EYS: variants seen among roughly 807,000 people sequenced by gnomAD.
The protein encoded by EYS is protein eyes shut homolog.
EYS carries 250 observed loss-of-function variants against 282.1 expected under a neutral mutation model. The ratio of observed to expected loss-of-function variants is 0.89; its 90% CI spans 0.80 to 0.98. The LOEUF (loss-of-function observed/expected upper bound fraction) is 0.98, where lower values mean the gene tolerates loss of function less well. Among genes scored for constraint, EYS ranks in the 50% least tolerant of loss-of-function variants. EYS has a pLI of 0.00. For synonymous variants in EYS, 1,355 were observed against 1,282.9 expected, an observed-to-expected ratio of 1.06 and a Z score of -1.20; for missense variants, 4,016 against 3,709.0, an observed-to-expected ratio of 1.08 and a Z score of -2.15.
chr6:64,629,503 A>G (rs1049954301), intron 22 of EYS, among the ~76,000 whole-genome samples: 1 of 152,146 alleles, frequency 6.6e-6, no homozygotes, highest in African/African-American at 2.4e-5. Context: ...TTTTCAATTT[A>G]TGTTAAGAAA....
chr6:64,531,338 G>C (rs1420745514), intron 26 of EYS, among the ~76,000 whole-genome samples: 3 of 151,408 alleles, frequency 2.0e-5, no homozygotes, highest in Non-Finnish European at 2.9e-5. Context: ...AGTACGCCTG[G>C]GATATATTGT....
intron 9 of EYS, among the ~76,000 whole-genome samples, chr6:65,351,356 A>G (rs190443249): frequency 1.3e-5 from 2 of 151,934 alleles, no homozygotes; most frequent in African/African-American, 4.8e-5. Flanking sequence ...ATGATTAAAT[A>G]TGCATACACT....
rs867476759 is a variant in EYS, at chr6:65,600,688, C to T, written c.-333+39090G>A. On this transcript the variant is annotated intron_variant, in intron 2 of 42. Coordinates refer to ENST00000503581, the MANE Select transcript of EYS (RefSeq NM_001142800.2). ...ATAAGTACTGTGTATTGAAATTGTA[C>T]CTCTGATTTCAAAATTAAAACATAA... Among the ~76,000 whole-genome samples the T allele has an allele frequency of 4.0e-5, 6 of 151,822 alleles. No homozygotes were observed. The Admixed American group carries it at 4.0e-4, about 10-fold the overall frequency.
intron 26 of EYS, among the ~76,000 whole-genome samples, chr6:64,581,770 T>A (rs983811347): frequency 3.3e-5 from 5 of 152,090 alleles, no homozygotes; most frequent in African/African-American, 7.2e-5. Context: ...CCTTCTGAGG[T>A]CACACACCCC....
chr6:64,459,947 G>GA (rs68098455), intron 26 of EYS, among the ~76,000 whole-genome samples: 131 of 141,674 alleles, frequency 9.2e-4, no homozygotes, highest in South Asian at 1.3e-3. Flanking sequence ...GTAATATCCA[G>GA]AAAAAAAAAA....
At chr6:64,228,151 C>T (rs1766305729) in intron 31 of EYS, among the ~76,000 whole-genome samples, 1 of 152,102 alleles carries the variant, frequency 6.6e-6, no homozygotes. Context: ...CACAACATCA[C>T]AGATTACATT....
chr6:65,097,315 G>C (rs888162189), intron 12 of EYS, among the ~76,000 whole-genome samples: 4 of 150,912 alleles, frequency 2.7e-5, no homozygotes, highest in African/African-American at 7.3e-5. Flanking sequence ...ACAGCTGTTA[G>C]GATGGCTATG....
At chr6:65,434,322 A>AT (rs369477528) in intron 5 of EYS, among the ~76,000 whole-genome samples, 26,490 of 144,558 alleles carry the variant, frequency 0.18, 2,532 homozygotes, top group South Asian at 0.21. Context: ...GGTTTGCATA[A>AT]TTTTTTTTTT....
chr6:64,880,226 A>AT (rs55873967), intron 19 of EYS, among the ~76,000 whole-genome samples: 23,471 of 151,798 alleles, frequency 0.15, 2,136 homozygotes, highest in East Asian at 0.49. Flanking sequence ...TACATTGTAT[A>AT]TTTTTTCCTA....
At chr6:63,935,652 A>G (rs1305407245) in intron 35 of EYS, among the ~76,000 whole-genome samples, 1 of 152,252 alleles carries the variant, frequency 6.6e-6, no homozygotes, top group African/African-American at 2.4e-5. Context: ...GCCAACAGAC[A>G]GGCTTCAGAA....
chr6:63,927,126 G>T (rs1003093356), intron 35 of EYS, among the ~76,000 whole-genome samples: 4 of 152,192 alleles, frequency 2.6e-5, no homozygotes, highest in Admixed American at 6.5e-5. Flanking sequence ...TAATAGCTGT[G>T]TGATGTTGGG....
At chr6:64,925,592 C>A (rs1768489521) in intron 15 of EYS, among the ~76,000 whole-genome samples, 1 of 152,124 alleles carries the variant, frequency 6.6e-6, no homozygotes, top group Non-Finnish European at 1.5e-5. Context: ...CTGAAATGGG[C>A]TATGAAGTAG....
At chr6:64,779,427 T>G (rs796338595) in intron 22 of EYS, among the ~76,000 whole-genome samples, 5 of 152,050 alleles carry the variant, frequency 3.3e-5, no homozygotes, top group African/African-American at 9.7e-5. Context: ...TTATATGACA[T>G]TCTGGAAAGA....
chr6:65,428,445 C>T (rs139672391), intron 5 of EYS, among the ~76,000 whole-genome samples: 190 of 152,022 alleles, frequency 1.2e-3, no homozygotes, highest in African/African-American at 4.4e-3. Flanking sequence ...TTCATTTTTA[C>T]GTATATTAAC....
chr6:64,371,414 GA>G (rs1405642542), intron 29 of EYS, among the ~76,000 whole-genome samples: 1 of 151,614 alleles, frequency 6.6e-6, no homozygotes, highest in Non-Finnish European at 1.5e-5. Context: ...AATTAATTGA[GA>G]ATTGTTTTAT....
chr6:64,409,465 C>A (rs1479552801), intron 28 of EYS, among the ~76,000 whole-genome samples: 2 of 152,100 alleles, frequency 1.3e-5, no homozygotes. Context: ...AAAAGGTGAT[C>A]CTTGAGAGCA....
At chr6:64,841,942 A>G (rs1765575639) in intron 19 of EYS, among the ~76,000 whole-genome samples, 2 of 152,124 alleles carry the variant, frequency 1.3e-5, no homozygotes, top group Admixed American at 1.3e-4. Flanking sequence ...ATGGAAATCA[A>G]GCAAGTGATG....
intron 30 of EYS, among the ~76,000 whole-genome samples, chr6:64,246,075 G>A (rs9344917): frequency 0.27 from 36,959 of 136,700 alleles, 5,191 homozygotes; most frequent in East Asian, 0.45. Flanking sequence ...AATAGGTTTT[G>A]TCCATTAACC....
intron 2 of EYS, among the ~76,000 whole-genome samples, chr6:65,625,340 T>G (rs1449825186): frequency 6.6e-6 from 1 of 152,122 alleles, no homozygotes; most frequent in Non-Finnish European, 1.5e-5. Flanking sequence ...CTCTTGAAAC[T>G]GTGAGATAAT....
Sources: allele counts gnomAD v4.1 joint callset (sites outside exome capture counted in the v4.1 genomes callset), GRCh38; gene constraint gnomAD v4.1.1; transcripts MANE v1.5; gene names NCBI Gene and HGNC (gene_info 2026-07-23, HGNC 2026-07-21).